Variants in MALL observed in about 807,000 individuals in gnomAD.
MALL encodes MAL-like protein.
MALL carries 2 observed loss-of-function variants against 10.3 expected under a neutral mutation model. That is an observed-to-expected ratio of 0.19 (90% CI 0.08 to 0.61). The LOEUF (loss-of-function observed/expected upper bound fraction) is 0.61, where lower values mean the gene tolerates loss of function less well. MALL is among the 20% of genes least tolerant of loss of function. The probability of loss-of-function intolerance (pLI) is 0.88; values close to 1 mark genes in which losing one functional copy is unlikely to be tolerated. For missense variants in MALL, 39 were observed against 115.2 expected, an observed-to-expected ratio of 0.34 and a Z score of 3.03; for synonymous variants, 27 against 51.8, an observed-to-expected ratio of 0.52 and a Z score of 2.05.
intron 1 of MALL, among the ~76,000 whole-genome samples, chr2:110,113,982 C>A (rs1239333295): frequency 6.6e-6 from 1 of 151,954 alleles, no homozygotes. Flanking sequence ...GCCCCTCACC[C>A]CCCACAACAC....
At chr2:110,103,076 C>A in intron 1 of MALL, among the ~76,000 whole-genome samples, 1 of 152,148 alleles carries the variant, frequency 6.6e-6, no homozygotes, top group East Asian at 1.9e-4. Context: ...TCTGAAGACT[C>A]TGGAGTCCCA....
rs1252879992 is a variant in MALL at position 110,115,575 on chromosome 2, CCTCTCTCTTCTCGGTCCGGTCTGGGT to C, written c.105+87_105+112del. 93 of 428,052 alleles carry C rather than the reference CCTCTCTCTTCTCGGTCCGGTCTGGGT, an allele frequency of 2.2e-4. 1 individual carries two copies. Among genetic ancestry groups the C allele is most frequent in the South Asian group, 1.6e-3 (12 of 7,408 alleles). 26.5% of individuals were successfully genotyped at this position (428,052 alleles called of 1,614,324 possible). ...GCAGGTGGCCCCTGTGCTTGCTGCC[CCTCTCTCTTCTCGGTCCGGTCTGGGT>C]CTCTCTCTTCTCGGTCCGGTCTGGG... On this transcript the variant is annotated intron_variant, in intron 1 of 3. Transcript: ENST00000272462.
At chr2:110,112,707 A>G (rs1432351689) in intron 1 of MALL, among the ~76,000 whole-genome samples, 1 of 152,088 alleles carries the variant, frequency 6.6e-6, no homozygotes, top group African/African-American at 2.4e-5. Flanking sequence ...TAGAACTACC[A>G]TTTGATCCAG....
upstream of MALL, chr2:110,115,893 G>GAA (rs397872304): frequency 0.036 from 12,807 of 356,456 alleles, 605 homozygotes; most frequent in African/African-American, 0.17. Flanking sequence ...GCCTGGGAGG[G>GAA]AAAAAAAAAA....
At chr2:110,103,722 C>T (rs182278767) in intron 1 of MALL, among the ~76,000 whole-genome samples, 10 of 152,266 alleles carry the variant, frequency 6.6e-5, no homozygotes, top group Admixed American at 4.6e-4. Context: ...TGGACCCCTC[C>T]GGGTGGGCTG....
chr2:110,092,844 G>T (rs1223599807), intron 1 of MALL, among the ~76,000 whole-genome samples: 29 of 66,624 alleles, frequency 4.4e-4, no homozygotes, highest in African/African-American at 1.1e-3. Flanking sequence ...AGTCTCTTTA[G>T]TGAAGGTCAG....
intron 1 of MALL, among the ~76,000 whole-genome samples, chr2:110,102,729 C>A (rs956375473): frequency 6.6e-6 from 1 of 152,138 alleles, no homozygotes; most frequent in Non-Finnish European, 1.5e-5. Context: ...ACCTCCCAGG[C>A]CCCAGAAATT....
chr2:110,097,311 G>A (rs755069928), intron 1 of MALL, among the ~76,000 whole-genome samples: 3 of 151,952 alleles, frequency 2.0e-5, no homozygotes, highest in Non-Finnish European at 4.4e-5. Context: ...TTGGTCTCGG[G>A]GAAGCAGAAC....
chr2:110,103,101 G>A (rs777370177), intron 1 of MALL, among the ~76,000 whole-genome samples: 26 of 152,234 alleles, frequency 1.7e-4, no homozygotes, highest in South Asian at 1.5e-3. Flanking sequence ...CATGATATCC[G>A]GCCCCTCTGG....
At chr2:110,110,771 A>G (rs1678787686) in intron 1 of MALL, among the ~76,000 whole-genome samples, 1 of 152,154 alleles carries the variant, frequency 6.6e-6, no homozygotes, top group Non-Finnish European at 1.5e-5. Flanking sequence ...ACCAAAAAAG[A>G]AAACTACAGA....
intron 1 of MALL, among the ~76,000 whole-genome samples, chr2:110,111,685 T>A (rs1678804886): frequency 6.6e-6 from 1 of 151,318 alleles, no homozygotes; most frequent in South Asian, 2.1e-4. Flanking sequence ...TTCAATGCAA[T>A]CCCCATCAGA....
chr2:110,117,624 T>TGTGTGTGAGA (rs1292836050), upstream of MALL, among the ~76,000 whole-genome samples: 1 of 122,718 alleles, frequency 8.1e-6, no homozygotes, highest in African/African-American at 3.1e-5. Context: ...TGTGTGTGTG[T>TGTGTGTGAGA]GAGAGAGAGA....
chr2:110,110,633 A>G (rs1386518178), intron 1 of MALL, among the ~76,000 whole-genome samples: 3 of 152,210 alleles, frequency 2.0e-5, no homozygotes, highest in African/African-American at 7.2e-5. Flanking sequence ...GAATTCTACC[A>G]GACATTCAAA....
At chr2:110,115,538 C>A (rs551582724) in intron 1 of MALL, 150 bp downstream of exon 1, 31 of 433,232 alleles carry the variant, frequency 7.2e-5, no homozygotes, top group East Asian at 2.9e-4. Context: ...GCCGGTCTCC[C>A]CCCCCCTCTC....
At chr2:110,115,880 G>A (rs1678909269), upstream of MALL, 1 of 485,848 alleles carries the variant, frequency 2.1e-6, no homozygotes, top group Non-Finnish European at 3.2e-6. Flanking sequence ...CCCATCGGAC[G>A]TCGCCTGGGA....
chr2:110,115,893 G>T, upstream of MALL: 22 of 358,816 alleles, frequency 6.1e-5, no homozygotes, highest in East Asian at 8.2e-5. Flanking sequence ...GCCTGGGAGG[G>T]AAAAAAAAAA....
intron 1 of MALL, among the ~76,000 whole-genome samples, chr2:110,115,396 T>C (rs1678885608): frequency 6.6e-6 from 1 of 151,934 alleles, no homozygotes; most frequent in Non-Finnish European, 1.5e-5. Flanking sequence ...CCGAGTGGCA[T>C]CTGCCTCTTG....
Position 110,112,679 on chromosome 2 carries a change from T to G in MALL, c.105+3009A>C, listed in dbSNP as rs548130647. Among the ~76,000 whole-genome samples the G allele has an allele frequency of 4.6e-5, 7 of 152,112 alleles. No individual in the cohort carries two copies. The East Asian group carries it at 1.4e-3, about 29-fold the overall frequency. ...CCACTATGGAAAACAGTGTGGAGTT[T>G]CCTTAAAGAACTAAAAGTAGAACTA... On this transcript the variant is annotated intron_variant, in intron 1 of 3. Transcript: ENST00000272462.
chr2:110,108,875 C>A (rs1021008230), intron 1 of MALL, among the ~76,000 whole-genome samples: 2 of 152,114 alleles, frequency 1.3e-5, no homozygotes, highest in South Asian at 2.1e-4. Flanking sequence ...GAAGAGACTG[C>A]GGACCTATCT....
Sources: allele counts gnomAD v4.1 joint callset (sites outside exome capture counted in the v4.1 genomes callset), GRCh38; gene constraint gnomAD v4.1.1; transcripts MANE v1.5; gene names NCBI Gene and HGNC (gene_info 2026-07-23, HGNC 2026-07-21).